CAPN8: variants seen among roughly 807,000 people sequenced by gnomAD.
CAPN8 encodes the protein calpain 8.
A neutral mutation model predicts 80.9 loss-of-function variants in CAPN8; 87 were observed. The observed-to-expected ratio is 1.07, with a 90% confidence interval of 0.90 to 1.28. The LOEUF is 1.28. CAPN8 is among the 50% of genes most tolerant of loss of function. CAPN8 has a pLI of 0.00. For missense variants in CAPN8, 757 were observed against 702.0 expected, an observed-to-expected ratio of 1.08 and a Z score of -0.89; for synonymous variants, 299 against 273.8, an observed-to-expected ratio of 1.09 and a Z score of -0.91.
chr1:223,628,577 A>T, intron 3 of CAPN8, 85 bp downstream of exon 3: 4 of 1,080,672 alleles, frequency 3.7e-6, no homozygotes, highest in Non-Finnish European at 4.1e-6. Context: ...TGTGCCCCAA[A>T]CCCAGAATTT....
chr1:223,640,383 G>A (rs2102724375), intron 2 of CAPN8, among the ~76,000 whole-genome samples: 1 of 152,222 alleles, frequency 6.6e-6, no homozygotes, highest in South Asian at 2.1e-4. Flanking sequence ...AGCGTCTACT[G>A]CCTATAGGAA....
At chr1:223,620,408 A>G (rs1184048010) in intron 7 of CAPN8, 142 bp from the exon 8 acceptor site, 1 of 708,450 alleles carries the variant, frequency 1.4e-6, no homozygotes, top group Non-Finnish European at 2.4e-6. Context: ...CAGAATGGAC[A>G]GTGTGGCGCG....
chr1:223,551,897 A>T (rs1481863938), intron 14 of CAPN8, among the ~76,000 whole-genome samples: 1 of 152,166 alleles, frequency 6.6e-6, no homozygotes, highest in African/African-American at 2.4e-5. Flanking sequence ...AGGAGTTGGT[A>T]TTTCACATAG....
chr1:223,630,421 C>T (rs2102716672), intron 2 of CAPN8, among the ~76,000 whole-genome samples: 1 of 152,214 alleles, frequency 6.6e-6, no homozygotes, highest in Non-Finnish European at 1.5e-5. Flanking sequence ...ACTGCAGCCC[C>T]AACCTCCTAG....
rs1385273127 is a variant in CAPN8, at chr1:223,609,151, A to T, written c.1535+2T>A. The T allele has an allele frequency of 5.0e-6, 2 of 398,448 alleles. No homozygotes were observed. Among genetic ancestry groups the T allele is most frequent in the Non-Finnish European group, 8.8e-6 (2 of 226,090 alleles). The allele number at this position is 398,448 out of a possible 1,614,324, so 24.7% of individuals were successfully genotyped here. A position where few individuals can be genotyped will look rare whatever the true frequency, so the allele number is the denominator to read the frequency against. ...CCCCACCACGGAGGGAAGGAGACGC[A>T]CAGGGCCTGGGCCTTCTTCTCTGAG... On this transcript the variant is annotated splice_donor_variant, in intron 12 of 20. Transcript: ENST00000366872. LOFTEE classifies it high-confidence loss of function.
chr1:223,622,492 A>G (rs1657427359), intron 7 of CAPN8: 1 of 334,572 alleles, frequency 3.0e-6, no homozygotes, highest in African/African-American at 2.1e-5. Flanking sequence ...ACAGACTGTG[A>G]GTGATCGATT....
chr1:223,644,013 T>C (rs1658117234), intron 2 of CAPN8: 1 of 194,146 alleles, frequency 5.2e-6, no homozygotes, highest in South Asian at 9.2e-5. Flanking sequence ...AACATAAGGG[T>C]AATCAAAACA....
chr1:223,549,990 G>A (rs1162447799), intron 15 of CAPN8, among the ~76,000 whole-genome samples: 1 of 152,134 alleles, frequency 6.6e-6, no homozygotes, highest in Admixed American at 6.5e-5. Flanking sequence ...GTTAAATGCA[G>A]GCCAGCCAGC....
In CAPN8 at chr1:223,541,860, C is replaced by T; in HGVS notation, c.2089-1G>A. On this transcript the variant is annotated splice_acceptor_variant, in intron 20 of 20. Coordinates refer to ENST00000366872, the MANE Select transcript of CAPN8 (RefSeq NM_001143962.2). LOFTEE classifies it high-confidence loss of function. ...GTCAGACCAACACGCAGCACAGCCA[C>T]TGCAAAGGAAAGGGACAAGATTGAG... 6.5e-7 allele frequency: 1 copy of T among 1,542,066 alleles called. No individual in the cohort carries two copies. The highest frequency in any genetic ancestry group is 8.7e-7 in the Non-Finnish European group (1 of 1,144,870).
intron 16 of CAPN8, among the ~76,000 whole-genome samples, chr1:223,548,119 C>T (rs186311929): frequency 2.5e-4 from 38 of 152,216 alleles, no homozygotes; most frequent in Middle Eastern, 3.4e-3. Context: ...TCCTTCCTCC[C>T]GTCCCGCAGT....
intron 18 of CAPN8, 171 bp from the exon 19 acceptor site, chr1:223,544,354 A>T: frequency 1.7e-6 from 1 of 602,806 alleles, no homozygotes; most frequent in East Asian, 2.8e-5. Flanking sequence ...CCTGCCATCC[A>T]TCCCTCTCCT....
In CAPN8 at chr1:223,633,351, C is replaced by G. The variant is rs113414287; in HGVS notation, c.308-4571G>C. Reference sequence around the variant, plus strand: ...AGACTGGAAGACCTGGATGGTAATGCCTGTGTCTGGTCCCAAAACGGAGAC... The same window carrying G: ...AGACTGGAAGACCTGGATGGTAATGGCTGTGTCTGGTCCCAAAACGGAGAC... On this transcript the variant is annotated intron_variant, in intron 2 of 20. Coordinates refer to ENST00000366872, the MANE Select transcript of CAPN8 (RefSeq NM_001143962.2). 2.4e-3 allele frequency among the ~76,000 whole-genome samples: 367 copies of G among 151,544 alleles called. 4 individuals carry two copies. Among genetic ancestry groups the G allele is most frequent in the African/African-American group, 8.5e-3 (352 of 41,198 alleles).
In CAPN8 at chr1:223,619,360, C is replaced by A. The variant is rs1003141384; in HGVS notation, c.1068G>T (p.Trp356Cys). ...DSLSSEEVHK[W>C]NLVLFNGHWT... Reference sequence around the variant, plus strand: ...AGTGGCCGTTGAACAGGACCAGGTTCCATTTGTGCACCTCCTCGCTACTCA... The same window carrying A: ...AGTGGCCGTTGAACAGGACCAGGTTACATTTGTGCACCTCCTCGCTACTCA... The change falls in exon 9 of 21, where the codon TGG (tryptophan) becomes TGT (cysteine). Residue 356 changes from tryptophan (W) to cysteine (C), a missense_variant. Physicochemically the swap from Trp to Cys is radical, Grantham distance 215 (BLOSUM62 -2). Coordinates refer to ENST00000366872, the MANE Select transcript of CAPN8 (RefSeq NM_001143962.2). 6.4e-7 allele frequency: 1 copy of A among 1,551,592 alleles called. No individual in the cohort carries two copies. The highest frequency in any genetic ancestry group is 1.4e-5 in the African/African-American group (1 of 73,032).
Position 223,633,789 on chromosome 1 carries a change from T to C in CAPN8, c.308-5009A>G, listed in dbSNP as rs146033063. Reference sequence around the variant, plus strand: ...AAATCAAAGCTTAAAGGTCGGGATGTCTAATGTTATTATAAACTGTAGGTA... The same window carrying C: ...AAATCAAAGCTTAAAGGTCGGGATGCCTAATGTTATTATAAACTGTAGGTA... On this transcript the variant is annotated intron_variant, in intron 2 of 20. Transcript: ENST00000366872. Among the ~76,000 whole-genome samples, 203 of 152,366 alleles carry C rather than the reference T, an allele frequency of 1.3e-3. 2 individuals are homozygous for C. In the Middle Eastern group the frequency reaches 0.024, roughly 18 times the overall value.
intron 2 of CAPN8, among the ~76,000 whole-genome samples, chr1:223,632,856 G>A (rs1357656066): frequency 2.0e-5 from 3 of 152,200 alleles, no homozygotes; most frequent in African/African-American, 7.2e-5. Context: ...CACTTCATGG[G>A]AATTTAGGGA....
At chr1:223,552,489 G>A (rs955004595) in intron 14 of CAPN8, among the ~76,000 whole-genome samples, 9 of 150,530 alleles carry the variant, frequency 6.0e-5, no homozygotes, top group Non-Finnish European at 1.3e-4. Flanking sequence ...GCTTGAACCC[G>A]GGAAGCAGAG....
At chr1:223,621,927 G>A (rs1657406846) in intron 7 of CAPN8, among the ~76,000 whole-genome samples, 1 of 151,902 alleles carries the variant, frequency 6.6e-6, no homozygotes, top group Non-Finnish European at 1.5e-5. Flanking sequence ...CCCAATCTCG[G>A]CTCACTGCAA....
At chr1:223,548,486 G>A (rs939459544) in intron 16 of CAPN8, among the ~76,000 whole-genome samples, 1 of 152,144 alleles carries the variant, frequency 6.6e-6, no homozygotes, top group African/African-American at 2.4e-5. Flanking sequence ...TTAGGAGATG[G>A]GCCTTTGGGA....
At chr1:223,545,068 A>T in intron 17 of CAPN8, 163 bp downstream of exon 17, 1 of 1,400,938 alleles carries the variant, frequency 7.1e-7, no homozygotes, top group Non-Finnish European at 9.6e-7. Flanking sequence ...AGTGGTTGGC[A>T]TGAGAGTCTC....
Sources: gnomAD v4.1 joint callset for allele counts (sites outside exome capture counted in the v4.1 genomes callset) on GRCh38, gnomAD v4.1.1 for gene constraint, MANE v1.5 for transcripts, NCBI Gene and HGNC (gene_info 2026-07-23, HGNC 2026-07-21) for gene names.